The following SIRPB1 variants were observed in gnomAD, a reference collection of about 807,000 sequenced individuals.
SIRPB1 encodes signal regulatory protein beta 1.
A neutral mutation model predicts 34.1 loss-of-function variants in SIRPB1; 28 were observed. The observed-to-expected ratio is 0.82, with a 90% CI of 0.61 to 1.12. SIRPB1 has a LOEUF of 1.12. SIRPB1 is among the 50% of genes most tolerant of loss of function. The probability of loss-of-function intolerance (pLI) is 0.00; values close to 1 mark genes in which losing one functional copy is unlikely to be tolerated. For missense variants in SIRPB1, 499 were observed against 507.0 expected (o/e 0.98, Z 0.15); for synonymous variants, 211 against 203.8 (o/e 1.04, Z -0.30).
At chr20:1,568,720 G>A (rs1020773017) in intron 4 of SIRPB1, among the ~76,000 whole-genome samples, 2 of 148,396 alleles carry the variant, frequency 1.3e-5, no homozygotes, top group African/African-American at 5.3e-5. Context: ...ATAGAAAAGA[G>A]GAGGTCTCAA....
Position 1,578,651 on chromosome 20 carries a change from C to CT in SIRPB1, c.119dup (p.Ser41ValfsTer29). On this transcript the variant is annotated frameshift_variant, in exon 2 of 6. Coordinates refer to ENST00000381605, the MANE Select transcript of SIRPB1 (RefSeq NM_006065.5). LOFTEE classifies it high-confidence loss of function. Reference sequence around the variant, plus strand: ...ACTCTCCAGCTGCAACTGATACGGACTTTTCAGGCTGAATCACCTGTAGCT... The same window carrying CT: ...ACTCTCCAGCTGCAACTGATACGGACTTTTTCAGGCTGAATCACCTGTAGCT... 1 of 1,584,394 alleles carries CT rather than the reference C, an allele frequency of 6.3e-7. No homozygotes were observed. Among genetic ancestry groups the CT allele is most frequent in the Middle Eastern group, 1.7e-4 (1 of 5,896 alleles).
chr20:1,564,883 G>C lies in SIRPB1; in HGVS notation c.*617C>G, dbSNP rs45512895. The C allele has an allele frequency of 5.0e-6, 2 of 398,420 alleles. No homozygotes were observed. The highest frequency in any genetic ancestry group is 3.6e-5 in the East Asian group (1 of 28,068). 24.7% of individuals were successfully genotyped at this position (398,420 alleles called of 1,614,324 possible). A position where few individuals can be genotyped will look rare whatever the true frequency, so the allele number is the denominator to read the frequency against. ...ATATGAGTTGTAAAGGGCAGTCATCGAGGGCTCCTCAATGTTGGGCTGTGG... is the reference window on the plus strand; with the variant it reads ...ATATGAGTTGTAAAGGGCAGTCATCCAGGGCTCCTCAATGTTGGGCTGTGG... On this transcript the variant is annotated 3_prime_UTR_variant, in exon 6 of 6. Coordinates refer to ENST00000381605, the MANE Select transcript of SIRPB1 (RefSeq NM_006065.5).
intron 4 of SIRPB1, among the ~76,000 whole-genome samples, chr20:1,567,175 T>C (rs896382355): frequency 6.6e-6 from 1 of 152,152 alleles, no homozygotes; most frequent in Admixed American, 6.5e-5. Context: ...GCTGGAGTGT[T>C]GGAGTGTTGC....
intron 2 of SIRPB1, among the ~76,000 whole-genome samples, chr20:1,576,536 T>C (rs1054936981): frequency 6.1e-5 from 9 of 148,142 alleles, no homozygotes; most frequent in African/African-American, 1.7e-4. Context: ...CTCCTTCCTC[T>C]GTCTTGTAAG....
At position 1,571,732 on chromosome 20, in the gene SIRPB1, C is replaced by T. The variant is rs1386244058; in HGVS notation, c.739G>A (p.Glu247Lys). The T allele has an allele frequency of 2.5e-6, 4 of 1,614,172 alleles. No individual in the cohort carries two copies. The highest frequency in any genetic ancestry group is 3.4e-6 in the Non-Finnish European group (4 of 1,180,026). ...DPLRGTANLS[E>K]AIRVPPTLEV... Reference sequence around the variant, plus strand: ...GAGGGTCTTCTACCTCGGATGGCCTCAGACAAGTTGGCAGTCCCACGAAGA... The same window carrying T: ...GAGGGTCTTCTACCTCGGATGGCCTTAGACAAGTTGGCAGTCCCACGAAGA... The change falls in exon 3 of 6, where the codon GAG (glutamate) becomes AAG (lysine). Residue 247 changes from glutamate (E) to lysine (K), a missense_variant. Glu to Lys is a moderately conservative substitution (Grantham distance 56). Transcript: ENST00000381605.
chr20:1,571,660 G>T, intron 3 of SIRPB1, 60 bp downstream of exon 3: 3 of 1,611,918 alleles, frequency 1.9e-6, no homozygotes, highest in Non-Finnish European at 2.5e-6. Context: ...GGAGCCTGGG[G>T]AGAGGGGAGT....
rs191029538 is a variant in SIRPB1, at chr20:1,615,002, T to C, written c.76+4867A>G. On this transcript the variant is annotated intron_variant, in intron 1 of 5. Transcript: ENST00000381605. ...TCTGCCTTTCTTCAAGAGCACAAGA[T>C]GATATAACATTGGTAACACCTCTTC... is the stretch of plus-strand genomic sequence containing the variant. Among the ~76,000 whole-genome samples, 78 of 152,298 alleles carry C rather than the reference T, an allele frequency of 5.1e-4. No homozygotes were observed. The East Asian group carries it at 0.012, about 23-fold the overall frequency.
intron 4 of SIRPB1, among the ~76,000 whole-genome samples, chr20:1,568,384 C>T (rs1347015603): frequency 6.6e-6 from 1 of 152,138 alleles, no homozygotes; most frequent in East Asian, 1.9e-4. Context: ...AATGCATTTC[C>T]AGACTTAGCA....
intron 3 of SIRPB1, among the ~76,000 whole-genome samples, chr20:1,571,354 G>T (rs189969407): frequency 6.6e-6 from 1 of 152,252 alleles, no homozygotes; most frequent in Non-Finnish European, 1.5e-5. Flanking sequence ...GTTAGCTGCT[G>T]CTAGGCTAAG....
In SIRPB1 at chr20:1,579,787, G is replaced by T. The variant is rs755420017; in HGVS notation, c.77-1093C>A. On this transcript the variant is annotated intron_variant, in intron 1 of 5. Transcript: ENST00000381605. Reference sequence around the variant, plus strand: ...AGTGTTACTGGGGTACAATGAAGAAGAAATGATGAACGTCAAATACACAAA... The same window carrying T: ...AGTGTTACTGGGGTACAATGAAGAATAAATGATGAACGTCAAATACACAAA... Among the ~76,000 whole-genome samples the T allele has an allele frequency of 2.7e-5, 4 of 148,344 alleles. 1 individual carries two copies. Among genetic ancestry groups the T allele is most frequent in the Non-Finnish European group, 6.0e-5 (4 of 66,202 alleles).
In SIRPB1 at chr20:1,561,831, G is replaced by C. The variant is rs1408245716; in HGVS notation, c.*3669C>G. ...AGTTATTTTTTCTCCTTTTTTCCAT[G>C]CTGTACTCTTTGCAAAGAAGTCGCA... On this transcript the variant is annotated 3_prime_UTR_variant, in exon 6 of 6. Transcript: ENST00000381605. 6.6e-6 allele frequency among the ~76,000 whole-genome samples: 1 copy of C among 152,026 alleles called. No homozygotes were observed. The highest frequency in any genetic ancestry group is 1.5e-5 in the Non-Finnish European group (1 of 68,010).
In SIRPB1 at chr20:1,564,578, G is replaced by A. The variant is rs1399306013; in HGVS notation, c.*922C>T. Reference sequence around the variant, plus strand: ...GATGATGCTGGCTGGGACAGGGAGGGGTGGTGGAGGTGAGAGGTGTGGAGA... The same window carrying A: ...GATGATGCTGGCTGGGACAGGGAGGAGTGGTGGAGGTGAGAGGTGTGGAGA... On this transcript the variant is annotated 3_prime_UTR_variant, in exon 6 of 6. Transcript: ENST00000381605. 3 of 212,546 alleles carry A rather than the reference G, an allele frequency of 1.4e-5. No individual in the cohort carries two copies. The highest frequency in any genetic ancestry group is 4.6e-5 in the African/African-American group (2 of 43,928). 13.2% of individuals were successfully genotyped at this position (212,546 alleles called of 1,614,324 possible).
chr20:1,571,647 T>A, intron 3 of SIRPB1, 73 bp downstream of exon 3: 7 of 1,606,228 alleles, frequency 4.4e-6, no homozygotes, highest in Non-Finnish European at 6.0e-6. Flanking sequence ...CCTTTCAAGC[T>A]CTGGAGCCTG....
chr20:1,592,401 A>C lies in SIRPB1; in HGVS notation c.77-13707T>G, dbSNP rs1315936474. On this transcript the variant is annotated intron_variant, in intron 1 of 5. Coordinates refer to ENST00000381605, the MANE Select transcript of SIRPB1 (RefSeq NM_006065.5). Reference sequence around the variant, plus strand: ...CACCATGTTGGCCAGGCTGGTCTTGAACTCCTGACCTCAGGTGATCCGCCC... The same window carrying C: ...CACCATGTTGGCCAGGCTGGTCTTGCACTCCTGACCTCAGGTGATCCGCCC... 4.2e-5 allele frequency among the ~76,000 whole-genome samples: 2 copies of C among 47,952 alleles called. 1 individual carries two copies. Among genetic ancestry groups the C allele is most frequent in the African/African-American group, 2.8e-4 (2 of 7,174 alleles). 31.5% of individuals were successfully genotyped at this position (47,952 alleles called of 152,430 possible).
chr20:1,568,730 A>G (rs2091179486), intron 4 of SIRPB1, among the ~76,000 whole-genome samples: 1 of 152,208 alleles, frequency 6.6e-6, no homozygotes, highest in African/African-American at 2.4e-5. Context: ...GGAGGTCTCA[A>G]GTCAATAAAT....
chr20:1,576,150 G>A (rs1179185928), intron 2 of SIRPB1, among the ~76,000 whole-genome samples: 2 of 146,844 alleles, frequency 1.4e-5, no homozygotes, highest in East Asian at 1.9e-4. Flanking sequence ...TCACACCTGA[G>A]CCACCACTGG....
In SIRPB1 at chr20:1,563,810, C is replaced by A; in HGVS notation, c.*1690G>T. The A allele has an allele frequency of 6.6e-6, 1 of 152,336 alleles. No homozygotes were observed. The highest frequency in any genetic ancestry group is 2.0e-4 in the South Asian group (1 of 4,984). The allele number at this position is 152,336 out of a possible 1,614,324, so 9.4% of individuals were successfully genotyped here. The stretch of plus-strand genomic sequence containing the variant: ...AGATCTCATGAGAACTCACTGAGAT[C>A]TTATGAGAACTCACTATCACAAGAA... On this transcript the variant is annotated 3_prime_UTR_variant, in exon 6 of 6. Transcript: ENST00000381605.
chr20:1,566,778 T>C (rs149584679), intron 4 of SIRPB1, among the ~76,000 whole-genome samples: 2 of 152,108 alleles, frequency 1.3e-5, no homozygotes, highest in Non-Finnish European at 2.9e-5. Flanking sequence ...GGATTCAGAG[T>C]GAGAGAGTTG....
In SIRPB1 at chr20:1,583,848, T is replaced by TTACTACTACTACTACTACTAC; in HGVS notation, c.77-5175_77-5155dup. ...GTTGAAGACTGTAGTAAGGGAAGTC[T>TTACTACTACTACTACTACTAC]TACTACTACTACTACTACTACTACT... is the stretch of plus-strand genomic sequence containing the variant. On this transcript the variant is annotated intron_variant, in intron 1 of 5. Transcript: ENST00000381605. Among the ~76,000 whole-genome samples the TTACTACTACTACTACTACTAC allele has an allele frequency of 6.1e-5, 2 of 32,568 alleles. 1 individual carries two copies. Among genetic ancestry groups the TTACTACTACTACTACTACTAC allele is most frequent in the East Asian group, 1.8e-3 (2 of 1,088 alleles). 21.4% of individuals were successfully genotyped at this position (32,568 alleles called of 152,430 possible).
Sources: gnomAD v4.1 joint callset for allele counts (sites outside exome capture counted in the v4.1 genomes callset) on GRCh38, gnomAD v4.1.1 for gene constraint, MANE v1.5 for transcripts, NCBI Gene and HGNC (gene_info 2026-07-23, HGNC 2026-07-21) for gene names.